AVIL: variants seen among roughly 807,000 people sequenced by gnomAD.
The protein encoded by AVIL is advillin.
AVIL carries 78 observed loss-of-function variants against 109.9 expected under a neutral mutation model. The ratio of observed to expected loss-of-function variants is 0.71; its 90% CI spans 0.59 to 0.86. The LOEUF (loss-of-function observed/expected upper bound fraction) is 0.86, where lower values mean the gene tolerates loss of function less well. Ranked by LOEUF, AVIL falls within the 40% of genes least tolerant of loss-of-function variation. The probability of loss-of-function intolerance (pLI) is 0.00; values close to 1 mark genes in which losing one functional copy is unlikely to be tolerated. For missense variants in AVIL, 892 were observed against 1,016.5 expected, an observed-to-expected ratio of 0.88 and a Z score of 1.67; for synonymous variants, 367 against 379.1, an observed-to-expected ratio of 0.97 and a Z score of 0.37.
At chr12:57,803,908 T>C in intron 14 of AVIL, 1 of 410,600 alleles carries the variant, frequency 2.4e-6, no homozygotes, top group Non-Finnish European at 4.2e-6. Flanking sequence ...AAGTCACCTT[T>C]GTTTCAGCTT....
chr12:57,806,684 C>G (rs1445326276), intron 13 of AVIL, 145 bp from the exon 14 acceptor site: 1 of 828,162 alleles, frequency 1.2e-6, no homozygotes, highest in African/African-American at 1.7e-5. Context: ...TCAGGGTAAG[C>G]TGGAGTTATG....
At position 57,803,611 on chromosome 12, in the gene AVIL, C is replaced by A; in HGVS notation, c.1730G>T (p.Gly577Val). The A allele has an allele frequency of 6.2e-7, 1 of 1,614,166 alleles. No homozygotes were observed. The highest frequency in any genetic ancestry group is 1.1e-5 in the South Asian group (1 of 91,080). ...GCCCTCGGCCACAGTGTTCTCGCTG[C>A]CATCACAGAGAAGGCTGGCCAGCTC... is the stretch of plus-strand genomic sequence containing the variant. ...AKELASLLCD[G>V]SENTVAEGQE... Residue 577 changes from glycine (G) to valine (V), a missense_variant, in exon 15 of 20, where the codon GGC becomes GTC. By Grantham distance (109) the Gly-to-Val change is moderately radical (BLOSUM62 -3). Transcript: ENST00000549994.
At chr12:57,800,899 C>T (rs768694583) in intron 18 of AVIL, among the ~76,000 whole-genome samples, 8 of 152,170 alleles carry the variant, frequency 5.3e-5, no homozygotes, top group African/African-American at 1.9e-4. Flanking sequence ...TGAGCCACCG[C>T]GCCCGGCCCC....
rs771986471 is a variant in AVIL, at chr12:57,806,301, A to AG, written c.1671+58dup. 1.1e-5 allele frequency: 17 copies of AG among 1,582,334 alleles called. No homozygotes were observed. In the Admixed American group the frequency reaches 2.7e-4, roughly 25 times the overall value. On this transcript the variant is annotated intron_variant, in intron 14 of 19. Coordinates refer to ENST00000549994, the MANE Select transcript of AVIL (RefSeq NM_006576.4). ...GTCCTTTGACCTTGCTGACAGGAGG[A>AG]GGGGAGTGCAGGTCTGGGCTCCGAG...
At chr12:57,798,941 A>G (rs900934626) in intron 19 of AVIL, among the ~76,000 whole-genome samples, 1 of 152,152 alleles carries the variant, frequency 6.6e-6, no homozygotes, top group Non-Finnish European at 1.5e-5. Context: ...TAACTCAAAT[A>G]TGTTAATTCA....
Position 57,809,829 on chromosome 12 carries a change from C to G in AVIL, c.823G>C (p.Asp275His). 1 of 1,614,206 alleles carries G rather than the reference C, an allele frequency of 6.2e-7. No individual in the cohort carries two copies. Residue 275 changes from aspartate to histidine, a missense_variant, in exon 8 of 20, where the codon GAC becomes CAC. Physicochemically the swap from Asp to His is moderately conservative, Grantham distance 81. Transcript: ENST00000549994. ...TEVATRPLVQ[D>H]LLNHDDCYIL... ...CTACTTACATCATGGTTCAGTAAGTCCTGGACCAGAGGCCTTGTTGCTACC... is the reference window on the plus strand; with the variant it reads ...CTACTTACATCATGGTTCAGTAAGTGCTGGACCAGAGGCCTTGTTGCTACC...
intron 9 of AVIL, among the ~76,000 whole-genome samples, chr12:57,809,368 G>T (rs1956003179): frequency 6.6e-6 from 1 of 152,180 alleles, no homozygotes; most frequent in Non-Finnish European, 1.5e-5. Context: ...CCCCATGTTA[G>T]ATATGGGGAA....
chr12:57,811,139 T>G lies in AVIL; in HGVS notation c.339-12A>C. 6.2e-7 allele frequency: 1 copy of G among 1,613,234 alleles called. No homozygotes were observed. ...CCCCCTGCTTGTAGCTAAGGGAACA[T>G]CCATTCAGTTATTTGAGTGCCTGCT... On this transcript the variant is annotated splice_polypyrimidine_tract_variant and intron_variant, in intron 4 of 19. Transcript: ENST00000549994.
At chr12:57,803,440 A>T (rs766855917) in intron 15 of AVIL, 49 bp from the exon 16 acceptor site, 11 of 1,613,336 alleles carry the variant, frequency 6.8e-6, no homozygotes, top group Non-Finnish European at 9.3e-6. Flanking sequence ...AAATGTTTTT[A>T]AAACTGAGGT....
In AVIL at chr12:57,808,518, T is replaced by C. The variant is rs1955988987; in HGVS notation, c.970A>G (p.Ser324Gly). The C allele has an allele frequency of 1.9e-6, 3 of 1,614,192 alleles. No homozygotes were observed. In the Admixed American group the frequency reaches 5.0e-5, roughly 27 times the overall value. Reference sequence around the variant, plus strand: ...TCGTTGACGGTCTCCACATTGGTGCTGCTGGGGTAGCTCTTCATCTTGATG... The same window carrying C: ...TCGTTGACGGTCTCCACATTGGTGCCGCTGGGGTAGCTCTTCATCTTGATG... ...GFIKMKSYPSSTNVETVNDGA... is the reference protein window; with the variant it reads ...GFIKMKSYPSGTNVETVNDGA... The change falls in exon 10 of 20, where the codon AGC becomes GGC. Residue 324 changes from serine to glycine, a missense_variant. Transcript: ENST00000549994.
intron 2 of AVIL, 172 bp downstream of exon 2, chr12:57,815,803 T>C (rs1252430949): frequency 3.4e-6 from 5 of 1,490,290 alleles, no homozygotes; most frequent in Non-Finnish European, 3.6e-6. Flanking sequence ...ACCACCTGCT[T>C]TGAGCACCCA....
chr12:57,812,002 T>G (rs1278621564), intron 4 of AVIL, among the ~76,000 whole-genome samples: 5 of 152,190 alleles, frequency 3.3e-5, no homozygotes, highest in Non-Finnish European at 7.3e-5. Context: ...CCCCACCTTT[T>G]TTTTTAAAGA....
At chr12:57,806,601 A>G in intron 13 of AVIL, 62 bp from the exon 14 acceptor site, 1 of 1,569,964 alleles carries the variant, frequency 6.4e-7, no homozygotes, top group Non-Finnish European at 8.7e-7. Context: ...GTGCTAGAGG[A>G]GCTGTTGTGG....
intron 1 of AVIL, among the ~76,000 whole-genome samples, chr12:57,817,454 C>T (rs897525622): frequency 6.6e-5 from 10 of 151,676 alleles, no homozygotes; most frequent in African/African-American, 1.5e-4. Flanking sequence ...GGCAATGGTG[C>T]GGAGCAGCCA....
intron 18 of AVIL, chr12:57,800,312 C>G (rs1244367564): frequency 1.8e-5 from 3 of 167,240 alleles, no homozygotes; most frequent in Non-Finnish European, 3.9e-5. Context: ...GATACTACAT[C>G]AACATTAGCT....
chr12:57,803,710 G>A (rs1028888674), intron 14 of AVIL, 41 bp from the exon 15 acceptor site: 2 of 1,598,098 alleles, frequency 1.3e-6, no homozygotes, highest in East Asian at 4.5e-5. Flanking sequence ...TAGTTGCACA[G>A]GGGCACTTCG....
intron 16 of AVIL, 33 bp downstream of exon 16, chr12:57,803,214 T>C: frequency 6.2e-7 from 1 of 1,613,172 alleles, no homozygotes. Flanking sequence ...TGGGAGTCTT[T>C]CTCATGTTCT....
rs745379329 is a variant in AVIL at position 57,809,889 on chromosome 12, TA to T, written c.762del (p.His254GlnfsTer14). Reference sequence around the variant, plus strand: ...GCCAGCTGCCCAGCTGAATCTGAGATACTGGAGAAGGGGAGAGGTTAGCCTG... The same window carrying T: ...GCCAGCTGCCCAGCTGAATCTGAGATCTGGAGAAGGGGAGAGGTTAGCCTG... ...QKQKSTIMLYHISDSAGQLAV... is the reference protein window; with the variant it reads ...QKQKSTIMLYXISDSAGQLAV... On this transcript the variant is annotated frameshift_variant and splice_region_variant, in exon 8 of 20. Transcript: ENST00000549994. LOFTEE classifies it high-confidence loss of function. 7.4e-6 allele frequency: 12 copies of T among 1,614,014 alleles called. No individual in the cohort carries two copies. Among genetic ancestry groups the T allele is most frequent in the Admixed American group, 1.7e-5 (1 of 59,984 alleles).
chr12:57,808,333 A>G, intron 10 of AVIL, 39 bp from the exon 11 acceptor site: 1 of 1,614,120 alleles, frequency 6.2e-7, no homozygotes, highest in Non-Finnish European at 8.5e-7. Flanking sequence ...GTGAGTAAGA[A>G]GCATCTGTGC....
Sources: allele counts gnomAD v4.1 joint callset (sites outside exome capture counted in the v4.1 genomes callset), GRCh38; gene constraint gnomAD v4.1.1; transcripts MANE v1.5; gene names NCBI Gene and HGNC (gene_info 2026-07-23, HGNC 2026-07-21).